ZFPM2: variants seen among roughly 807,000 people sequenced by gnomAD.
ZFPM2 encodes zinc finger protein, FOG family member 2.
In ZFPM2, 20 loss-of-function variants were observed where a neutral mutation model predicts 98.6. That is an observed-to-expected ratio of 0.20 (90% confidence interval 0.14 to 0.29). ZFPM2 has a LOEUF of 0.29. Among genes scored for constraint, ZFPM2 ranks in the 10% least tolerant of loss-of-function variants. The probability of loss-of-function intolerance (pLI) is 1.00; values close to 1 mark genes in which losing one functional copy is unlikely to be tolerated. For missense variants in ZFPM2, 1,310 were observed against 1,388.6 expected, an observed-to-expected ratio of 0.94 and a Z score of 0.90; for synonymous variants, 518 against 502.7, an observed-to-expected ratio of 1.03 and a Z score of -0.41.
intron 5 of ZFPM2, among the ~76,000 whole-genome samples, chr8:105,719,291 A>G (rs1375340835): frequency 1.3e-5 from 2 of 152,060 alleles, no homozygotes; most frequent in Non-Finnish European, 2.9e-5. Flanking sequence ...ATTACATGGC[A>G]GTTAGAATCA....
At chr8:105,738,039 G>T (rs1273090435) in intron 5 of ZFPM2, among the ~76,000 whole-genome samples, 3 of 151,860 alleles carry the variant, frequency 2.0e-5, no homozygotes, top group Non-Finnish European at 4.4e-5. Flanking sequence ...TTTATTTTAA[G>T]TTCAGGGGTA....
chr8:105,615,222 G>A (rs1446952192), intron 4 of ZFPM2, among the ~76,000 whole-genome samples: 1 of 151,998 alleles, frequency 6.6e-6, no homozygotes, highest in East Asian at 1.9e-4. Flanking sequence ...CTAGAACTTG[G>A]GTTAGTCAGT....
chr8:105,413,217 G>A (rs970123498), intron 1 of ZFPM2, among the ~76,000 whole-genome samples: 11 of 151,678 alleles, frequency 7.3e-5, no homozygotes, highest in African/African-American at 2.7e-4. Flanking sequence ...CAGATTGTTA[G>A]GCAAGGAGTC....
chr8:105,412,595 T>G (rs957470613), intron 1 of ZFPM2, among the ~76,000 whole-genome samples: 3 of 151,744 alleles, frequency 2.0e-5, no homozygotes, highest in Admixed American at 6.6e-5. Flanking sequence ...TTAATAAAAA[T>G]GTTTCCTTCC....
chr8:105,319,059 TG>T, intron 1 of ZFPM2, 78 bp downstream of exon 1: 1 of 1,432,332 alleles, frequency 7.0e-7, no homozygotes, highest in Non-Finnish European at 9.3e-7. Context: ...AAGCGGTGGG[TG>T]GGTGGCGGGG....
intron 4 of ZFPM2, among the ~76,000 whole-genome samples, chr8:105,594,303 C>A (rs1202132403): frequency 6.6e-6 from 1 of 152,130 alleles, no homozygotes; most frequent in South Asian, 2.1e-4. Flanking sequence ...CTAGAAGATT[C>A]CTTATGCCAA....
chr8:105,362,026 G>C (rs1390103611), intron 1 of ZFPM2, among the ~76,000 whole-genome samples: 1 of 151,978 alleles, frequency 6.6e-6, no homozygotes, highest in Non-Finnish European at 1.5e-5. Flanking sequence ...TTCTTAGAAC[G>C]CATCTCTGTT....
In ZFPM2 at chr8:105,583,069, T is replaced by A. The variant is rs1470865744; in HGVS notation, c.420+21588T>A. Among the ~76,000 whole-genome samples, 19 of 152,158 alleles carry A rather than the reference T, an allele frequency of 1.2e-4. 1 individual carries two copies. Among genetic ancestry groups the A allele is most frequent in the Non-Finnish European group, 5.9e-5 (4 of 68,030 alleles). ...ACTTTGTGCTGAATCAAGCTTCAGG[T>A]AGAAAAAAGTGAGAAATCAGTTATG... On this transcript the variant is annotated intron_variant, in intron 4 of 7. Coordinates refer to ENST00000407775, the MANE Select transcript of ZFPM2 (RefSeq NM_012082.4).
chr8:105,390,134 C>T (rs755040317), intron 1 of ZFPM2, among the ~76,000 whole-genome samples: 11 of 152,124 alleles, frequency 7.2e-5, no homozygotes, highest in South Asian at 2.1e-4. Context: ...GTGCAGACTC[C>T]GTAGGTTGAG....
At chr8:105,424,391 A>G (rs1811864458) in intron 2 of ZFPM2, among the ~76,000 whole-genome samples, 1 of 152,120 alleles carries the variant, frequency 6.6e-6, no homozygotes, top group Non-Finnish European at 1.5e-5. Context: ...GGGTATAATA[A>G]TGCCCTAGAG....
intron 5 of ZFPM2, among the ~76,000 whole-genome samples, chr8:105,649,487 G>A (rs536667021): frequency 6.6e-6 from 1 of 152,176 alleles, no homozygotes; most frequent in African/African-American, 2.4e-5. Flanking sequence ...TTCTAGTTTT[G>A]GCCCATTCTG....
intron 1 of ZFPM2, among the ~76,000 whole-genome samples, chr8:105,362,678 C>T (rs1257492457): frequency 1.3e-5 from 2 of 151,970 alleles, no homozygotes; most frequent in Non-Finnish European, 2.9e-5. Flanking sequence ...AATGGTGTTC[C>T]CCTGAGTGAA....
At chr8:105,453,585 T>C (rs1812528351) in intron 3 of ZFPM2, among the ~76,000 whole-genome samples, 1 of 152,298 alleles carries the variant, frequency 6.6e-6, no homozygotes, top group South Asian at 2.1e-4. Context: ...TTAGCTAATC[T>C]GATTTCATCA....
At chr8:105,459,007 A>G (rs1812653821) in intron 3 of ZFPM2, among the ~76,000 whole-genome samples, 1 of 152,212 alleles carries the variant, frequency 6.6e-6, no homozygotes, top group Non-Finnish European at 1.5e-5. Context: ...TTCTAATGCT[A>G]TAACTGGGCA....
At chr8:105,632,650 A>T (rs1284847609) in intron 4 of ZFPM2, among the ~76,000 whole-genome samples, 1 of 152,230 alleles carries the variant, frequency 6.6e-6, no homozygotes, top group Non-Finnish European at 1.5e-5. Flanking sequence ...CGTCAGACTG[A>T]TAACAATAGG....
chr8:105,434,419 C>T (rs7007192), intron 2 of ZFPM2, among the ~76,000 whole-genome samples: 13 of 151,900 alleles, frequency 8.6e-5, no homozygotes, highest in Non-Finnish European at 1.8e-4. Context: ...CTCGCCCTTC[C>T]GTATGAGCTG....
intron 2 of ZFPM2, among the ~76,000 whole-genome samples, chr8:105,430,920 T>TC (rs1489396842): frequency 2.8e-4 from 40 of 141,280 alleles, no homozygotes; most frequent in Non-Finnish European, 5.0e-4. Flanking sequence ...TTTTTTTTTT[T>TC]CGAGATGGAG....
At chr8:105,412,330 T>A (rs1490800146) in intron 1 of ZFPM2, among the ~76,000 whole-genome samples, 3 of 151,870 alleles carry the variant, frequency 2.0e-5, no homozygotes, top group Non-Finnish European at 4.4e-5. Context: ...GATCTCGTTT[T>A]TAATAAACTT....
At chr8:105,365,592 C>A (rs1810490507) in intron 1 of ZFPM2, among the ~76,000 whole-genome samples, 1 of 152,246 alleles carries the variant, frequency 6.6e-6, no homozygotes, top group East Asian at 1.9e-4. Flanking sequence ...ATAAAATCAA[C>A]AAGCAGCAGT....
Sources: allele counts gnomAD v4.1 joint callset (sites outside exome capture counted in the v4.1 genomes callset), GRCh38; gene constraint gnomAD v4.1.1; transcripts MANE v1.5; gene names NCBI Gene and HGNC (gene_info 2026-07-23, HGNC 2026-07-21).